The following LIMCH1 variants were observed in gnomAD, a reference collection of about 807,000 sequenced individuals.
LIMCH1 encodes LIM and calponin homology domains-containing protein 1.
In LIMCH1, 113 loss-of-function variants were observed where a neutral mutation model predicts 176.5. The ratio of observed to expected loss-of-function variants is 0.64; its 90% CI spans 0.55 to 0.75. The LOEUF (loss-of-function observed/expected upper bound fraction) is 0.75. Ranked by LOEUF, LIMCH1 falls within the 30% of genes least tolerant of loss-of-function variation. LIMCH1 has a pLI of 0.00. For missense variants in LIMCH1, 1,674 were observed against 1,814.9 expected, an observed-to-expected ratio of 0.92 and a Z score of 1.41; for synonymous variants, 619 against 645.9, an observed-to-expected ratio of 0.96 and a Z score of 0.63.
chr4:41,428,330 C>T (rs915199617), intron 1 of LIMCH1, among the ~76,000 whole-genome samples: 2 of 152,128 alleles, frequency 1.3e-5, no homozygotes, highest in Non-Finnish European at 2.9e-5. Context: ...GTACCTCCTC[C>T]GTGCTATCAT....
At chr4:41,631,035 C>T in intron 9 of LIMCH1, 113 bp from the exon 10 acceptor site, 1 of 887,544 alleles carries the variant, frequency 1.1e-6, no homozygotes, top group Non-Finnish European at 1.6e-6. Flanking sequence ...GGATGCCGAA[C>T]TCACTGATAG....
At chr4:41,543,075 A>G (rs1197356625) in intron 1 of LIMCH1, among the ~76,000 whole-genome samples, 1 of 152,198 alleles carries the variant, frequency 6.6e-6, no homozygotes, top group Non-Finnish European at 1.5e-5. Context: ...TTGCACAAAC[A>G]TGCGGTTTGT....
intron 1 of LIMCH1, among the ~76,000 whole-genome samples, chr4:41,441,871 G>A (rs1251771492): frequency 6.6e-6 from 1 of 152,198 alleles, no homozygotes; most frequent in South Asian, 2.1e-4. Flanking sequence ...TTTTGCTGTC[G>A]TCGTTTGTTT....
intron 1 of LIMCH1, among the ~76,000 whole-genome samples, chr4:41,405,368 A>T (rs1432908200): frequency 6.6e-6 from 1 of 152,162 alleles, no homozygotes; most frequent in Non-Finnish European, 1.5e-5. Flanking sequence ...GACACAAAAA[A>T]ACCTCTGCGT....
chr4:41,410,660 G>A (rs1227979150), intron 1 of LIMCH1, among the ~76,000 whole-genome samples: 1 of 152,112 alleles, frequency 6.6e-6, no homozygotes, highest in East Asian at 1.9e-4. Flanking sequence ...TGTCAACACT[G>A]CCAGCATTCT....
intron 1 of LIMCH1, among the ~76,000 whole-genome samples, chr4:41,589,114 G>A (rs1212890817): frequency 6.6e-6 from 1 of 152,172 alleles, no homozygotes; most frequent in Non-Finnish European, 1.5e-5. Context: ...GGCAACAAGG[G>A]GAGAGAGAAA....
At chr4:41,661,857 GA>G in intron 19 of LIMCH1, 1 of 381,362 alleles carries the variant, frequency 2.6e-6, no homozygotes, top group Non-Finnish European at 4.9e-6. Flanking sequence ...AGATAAGCGA[GA>G]GGTCAAAAAC....
At chr4:41,602,980 C>T (rs981704867) in intron 2 of LIMCH1, among the ~76,000 whole-genome samples, 1 of 152,042 alleles carries the variant, frequency 6.6e-6, no homozygotes, top group African/African-American at 2.4e-5. Context: ...TGGTATGCTA[C>T]TTGTTTTCTA....
chr4:41,670,670 C>T (rs1436745536), intron 21 of LIMCH1: 5 of 1,392,206 alleles, frequency 3.6e-6, no homozygotes, highest in Non-Finnish European at 3.9e-6. Context: ...CAGTTCTCAC[C>T]CCAGTTTTCA....
chr4:41,410,929 G>A (rs892074698), intron 1 of LIMCH1, among the ~76,000 whole-genome samples: 2 of 152,050 alleles, frequency 1.3e-5, no homozygotes, highest in African/African-American at 4.8e-5. Flanking sequence ...TAGCCCATCC[G>A]GATAAATGAA....
intron 1 of LIMCH1, among the ~76,000 whole-genome samples, chr4:41,404,583 G>A (rs554047767): frequency 1.3e-5 from 2 of 152,172 alleles, no homozygotes; most frequent in South Asian, 4.2e-4. Flanking sequence ...TTTGAGACCA[G>A]CCTGACCAAC....
intron 1 of LIMCH1, among the ~76,000 whole-genome samples, chr4:41,472,619 A>G (rs1582777691): frequency 6.6e-6 from 1 of 152,020 alleles, no homozygotes; most frequent in Non-Finnish European, 1.5e-5. Context: ...GGGTGTTGCC[A>G]TGTTGCCCAG....
chr4:41,476,705 C>T (rs2067802707), intron 1 of LIMCH1, among the ~76,000 whole-genome samples: 1 of 152,164 alleles, frequency 6.6e-6, no homozygotes, highest in Non-Finnish European at 1.5e-5. Context: ...TCTTGTCTTC[C>T]TTCCTTCTGT....
rs1716738404 is a variant in LIMCH1 at position 41,682,428 on chromosome 4, T to C, written c.3813T>C (p.Thr1271=). 1 of 1,612,974 alleles carries C rather than the reference T, an allele frequency of 6.2e-7. No individual in the cohort carries two copies. Among genetic ancestry groups the C allele is most frequent in the Admixed American group, 1.7e-5 (1 of 59,948 alleles). ...ATGACAGTGACTTATTGCTGAAGAC[T>C]AGGGAAAGTGATCGACTGGAGGAGA... The part of the protein sequence containing the change: ...QGDDSDLLLK[T]RESDRLEEKG... The change falls in exon 26 of 32, where the codon ACT becomes ACC. Residue 1271 remains threonine (T), a synonymous_variant. Transcript: ENST00000503057.
At position 41,671,562 on chromosome 4, in the gene LIMCH1, C is replaced by A. The variant is rs1471271589; in HGVS notation, c.3406C>A (p.Pro1136Thr). The change falls in exon 22 of 32, where the codon CCA becomes ACA. Residue 1136 changes from proline (P) to threonine (T), a missense_variant. This residue lies in a region of LIMCH1 where 1,015 missense variants were observed against 1,102.5 expected (regional missense o/e 0.92). Transcript: ENST00000503057. ...CTTTTTTTTCTGTGCAGTGGATTCT[C>A]CAAGCAGTGAGAAGTCACCTGTTAT... ...LPNLNSQVDS[P>T]SSEKSPVMTP... 6 of 1,604,682 alleles carry A rather than the reference C, an allele frequency of 3.7e-6. No individual in the cohort carries two copies. Among genetic ancestry groups the A allele is most frequent in the African/African-American group, 1.3e-5 (1 of 74,564 alleles).
At chr4:41,691,782 C>G (rs1415335699) in intron 30 of LIMCH1, among the ~76,000 whole-genome samples, 1 of 151,768 alleles carries the variant, frequency 6.6e-6, no homozygotes, top group Non-Finnish European at 1.5e-5. Context: ...ATAAAATAAA[C>G]AAATGGAACA....
At chr4:41,415,628 G>C (rs1464686429) in intron 1 of LIMCH1, among the ~76,000 whole-genome samples, 1 of 152,114 alleles carries the variant, frequency 6.6e-6, no homozygotes, top group Non-Finnish European at 1.5e-5. Context: ...TGTGACCTTG[G>C]TTAGCTATTG....
At chr4:41,389,429 T>G (rs1001845711) in intron 1 of LIMCH1, 1 of 200,540 alleles carries the variant, frequency 5.0e-6, no homozygotes, top group Admixed American at 4.4e-5. Flanking sequence ...ATTGTCAGCA[T>G]TGCCTGACAA....
At chr4:41,553,021 A>G (rs2080714276) in intron 1 of LIMCH1, among the ~76,000 whole-genome samples, 1 of 152,204 alleles carries the variant, frequency 6.6e-6, no homozygotes, top group South Asian at 2.1e-4. Context: ...AAATCATGTA[A>G]TTATGGGGTT....
Sources: allele counts gnomAD v4.1 joint callset (sites outside exome capture counted in the v4.1 genomes callset), GRCh38; gene constraint gnomAD v4.1.1; regional missense constraint gnomAD v4.1.1; transcripts MANE v1.5; gene names NCBI Gene and HGNC (gene_info 2026-07-23, HGNC 2026-07-21).